The following RNLS variants were observed in gnomAD, a reference collection of about 807,000 sequenced individuals.
RNLS encodes the protein renalase, FAD dependent amine oxidase, also known as renalase.
A neutral mutation model predicts 39.8 loss-of-function variants in RNLS; 39 were observed. That is an observed-to-expected ratio of 0.98 (90% CI 0.76 to 1.28). RNLS has a LOEUF of 1.28. RNLS is among the 50% of genes most tolerant of loss of function. The pLI is 0.00. For missense variants in RNLS, 410 were observed against 413.3 expected (o/e 0.99, Z 0.07); for synonymous variants, 147 against 150.7 (o/e 0.98, Z 0.18).
At chr10:88,482,345 T>C (rs1844237133) in intron 4 of RNLS, among the ~76,000 whole-genome samples, 1 of 152,170 alleles carries the variant, frequency 6.6e-6, no homozygotes, top group South Asian at 2.1e-4. Flanking sequence ...TCAGTCTTTT[T>C]CTCTGTGTTC....
intron 4 of RNLS, among the ~76,000 whole-genome samples, chr10:88,465,431 G>T (rs1017269330): frequency 6.6e-6 from 1 of 152,100 alleles, no homozygotes; most frequent in Non-Finnish European, 1.5e-5. Context: ...GCTCATCCTA[G>T]TTGTGGAGAA....
chr10:88,231,113 C>G, the RNLS span, among the ~76,000 whole-genome samples: 2 of 152,244 alleles, frequency 1.3e-5, no homozygotes, highest in South Asian at 4.1e-4. Flanking sequence ...TAGGGCTGAG[C>G]TTCATCCCCT....
intron 5 of RNLS, among the ~76,000 whole-genome samples, chr10:88,326,732 A>T (rs1407095187): frequency 6.6e-6 from 1 of 152,214 alleles, no homozygotes; most frequent in East Asian, 1.9e-4. Flanking sequence ...TCTAGATCCC[A>T]GAATGGTAGA....
intron 4 of RNLS, among the ~76,000 whole-genome samples, chr10:88,383,474 C>A (rs1851673034): frequency 6.6e-6 from 1 of 152,136 alleles, no homozygotes; most frequent in Non-Finnish European, 1.5e-5. Context: ...CTGCTTTCTA[C>A]ATTTCCTGTG....
chr10:88,537,613 G>A (rs1161255989), intron 4 of RNLS, among the ~76,000 whole-genome samples: 1 of 152,122 alleles, frequency 6.6e-6, no homozygotes, highest in Non-Finnish European at 1.5e-5. Context: ...AGTACACACT[G>A]TTTGATTTCA....
intron 4 of RNLS, among the ~76,000 whole-genome samples, chr10:88,441,924 C>A (rs1046064896): frequency 3.9e-5 from 6 of 152,196 alleles, no homozygotes; most frequent in Admixed American, 1.3e-4. Context: ...CTTGAAAATT[C>A]TATGTGCAAG....
chr10:88,577,488 G>A (rs1850281300), intron 3 of RNLS, among the ~76,000 whole-genome samples: 1 of 152,170 alleles, frequency 6.6e-6, no homozygotes, highest in Non-Finnish European at 1.5e-5. Context: ...AAATAGGGAT[G>A]ATGATTAACT....
intron 4 of RNLS, among the ~76,000 whole-genome samples, chr10:88,444,037 T>G (rs981816318): frequency 6.6e-6 from 1 of 152,242 alleles, no homozygotes; most frequent in Non-Finnish European, 1.5e-5. Flanking sequence ...AGTAGGTCTC[T>G]GAACCCCGAG....
chr10:88,271,414 G>A (rs376301352), downstream of RNLS, among the ~76,000 whole-genome samples: 1 of 152,186 alleles, frequency 6.6e-6, no homozygotes, highest in East Asian at 1.9e-4. Flanking sequence ...AAAGCAGCAT[G>A]TCTCAGGCCT....
intron 4 of RNLS, among the ~76,000 whole-genome samples, chr10:88,459,847 A>G (rs1014145624): frequency 1.3e-5 from 2 of 152,218 alleles, no homozygotes; most frequent in African/African-American, 4.8e-5. Flanking sequence ...GACCTTTAAC[A>G]GCACTAAATG....
intron 6 of RNLS, among the ~76,000 whole-genome samples, chr10:88,293,111 T>C (rs1409336559): frequency 6.6e-6 from 1 of 152,094 alleles, no homozygotes; most frequent in African/African-American, 2.4e-5. Flanking sequence ...AGTGACTTTT[T>C]ACTTAAATTG....
chr10:88,446,911 C>A (rs1464856195), intron 4 of RNLS, among the ~76,000 whole-genome samples: 1 of 152,182 alleles, frequency 6.6e-6, no homozygotes, highest in Non-Finnish European at 1.5e-5. Context: ...AACACAAAAA[C>A]CACATGATTA....
At chr10:88,419,297 A>C (rs1014140064) in intron 4 of RNLS, among the ~76,000 whole-genome samples, 22 of 152,212 alleles carry the variant, frequency 1.4e-4, no homozygotes, top group African/African-American at 5.3e-4. Context: ...TAAACCCAGA[A>C]CTAACTCTAG....
chr10:88,181,449 A>G, the RNLS span, among the ~76,000 whole-genome samples: 4 of 152,166 alleles, frequency 2.6e-5, no homozygotes, highest in Non-Finnish European at 5.9e-5. Flanking sequence ...ACTTTAATAT[A>G]ATACATTTGT....
At chr10:88,500,521 C>T (rs190959392) in intron 4 of RNLS, among the ~76,000 whole-genome samples, 2 of 152,198 alleles carry the variant, frequency 1.3e-5, no homozygotes, top group Admixed American at 1.3e-4. Context: ...AGTTGCATTT[C>T]AACTTTTACA....
intron 5 of RNLS, among the ~76,000 whole-genome samples, chr10:88,354,379 CT>C (rs1848978089): frequency 1.3e-5 from 2 of 152,102 alleles, no homozygotes; most frequent in South Asian, 4.1e-4. Context: ...ATGTTTAGTG[CT>C]TCCTTCAGGA....
intron 4 of RNLS, among the ~76,000 whole-genome samples, chr10:88,465,593 T>C (rs1843159269): frequency 6.6e-6 from 1 of 152,040 alleles, no homozygotes; most frequent in Non-Finnish European, 1.5e-5. Flanking sequence ...CTAGAGATGA[T>C]AGCTGGACTC....
chr10:88,244,700 T>TTTC, the RNLS span, among the ~76,000 whole-genome samples: 25,273 of 151,612 alleles, frequency 0.17, 2,276 homozygotes, highest in South Asian at 0.23. Flanking sequence ...GCTTTTTTTT[T>TTTC]TTTCTTTCTT....
chr10:88,554,308 G>A (rs1447990332), intron 4 of RNLS, among the ~76,000 whole-genome samples: 1 of 152,084 alleles, frequency 6.6e-6, no homozygotes, highest in Non-Finnish European at 1.5e-5. Flanking sequence ...CATGTATGCA[G>A]CGTAAATAGC....
Sources: gnomAD v4.1 joint callset for allele counts (sites outside exome capture counted in the v4.1 genomes callset) on GRCh38, gnomAD v4.1.1 for gene constraint, MANE v1.5 for transcripts, NCBI Gene and HGNC (gene_info 2026-07-23, HGNC 2026-07-21) for gene names.